MYLK4: variants seen among roughly 807,000 people sequenced by gnomAD.
MYLK4 encodes the protein myosin light chain kinase family member 4, also known as caMLCK like.
MYLK4 carries 46 observed loss-of-function variants against 48.1 expected under a neutral mutation model. The observed-to-expected ratio is 0.96, with a 90% confidence interval of 0.75 to 1.22. The LOEUF is 1.22. Ranked by LOEUF, MYLK4 falls within the 50% of genes most tolerant of loss-of-function variation. The pLI is 0.00. For missense variants in MYLK4, 451 were observed against 486.1 expected, an observed-to-expected ratio of 0.93 and a Z score of 0.68; for synonymous variants, 170 against 180.8, an observed-to-expected ratio of 0.94 and a Z score of 0.48.
the MYLK4 span, chr6:2,765,970 A>C: frequency 3.6e-6 from 5 of 1,408,186 alleles, no homozygotes; most frequent in Non-Finnish European, 4.6e-6. Context: ...CGCCGCCCAC[A>C]CCCAGCGGCG....
At chr6:2,765,898 C>T in the MYLK4 span, 28,749 of 1,454,628 alleles carry the variant, frequency 0.02, 509 homozygotes, top group South Asian at 0.071. Context: ...CCGAGAGCAG[C>T]GAGGGCGAGG....
chr6:2,673,378 G>A lies in MYLK4; in HGVS notation c.1119+1669C>T, dbSNP rs879673093. Among the ~76,000 whole-genome samples the A allele has an allele frequency of 2.6e-5, 4 of 152,156 alleles. No individual in the cohort carries two copies. Among genetic ancestry groups the A allele is most frequent in the Non-Finnish European group, 5.9e-5 (4 of 68,030 alleles). On this transcript the variant is annotated intron_variant, in intron 11 of 12. Transcript: ENST00000274643. This position sits in a 1 kb window ranked among gnomAD's most constrained non-coding sequence, Gnocchi z 4.2. Reference sequence around the variant, plus strand: ...TCAGACACAAATAAAACTTAGTGCCGATGCTGAATTTAGAAGTAAAGTTAA... The same window carrying A: ...TCAGACACAAATAAAACTTAGTGCCAATGCTGAATTTAGAAGTAAAGTTAA...
chr6:2,749,826 C>T (rs1405932037), intron 1 of MYLK4, among the ~76,000 whole-genome samples: 1 of 152,190 alleles, frequency 6.6e-6, no homozygotes, highest in Non-Finnish European at 1.5e-5. Flanking sequence ...AGAGGGATCG[C>T]TCCCGAATGA....
Position 2,706,962 on chromosome 6 carries a change from T to C in MYLK4, c.160-14103A>G, listed in dbSNP as rs1762509998. The stretch of plus-strand genomic sequence containing the variant: ...CCCATATAAAATGGGGCTCCATCTG[T>C]ATTTACTACATGCAGCTGCGTCTTT... On this transcript the variant is annotated intron_variant, in intron 2 of 12. Transcript: ENST00000274643. Among the ~76,000 whole-genome samples the C allele has an allele frequency of 2.6e-5, 4 of 152,364 alleles. No individual in the cohort carries two copies. In the South Asian group the frequency reaches 8.3e-4, roughly 32 times the overall value.
At chr6:2,718,381 T>C (rs921464330) in intron 2 of MYLK4, among the ~76,000 whole-genome samples, 7 of 152,326 alleles carry the variant, frequency 4.6e-5, no homozygotes, top group African/African-American at 1.7e-4. Context: ...TTCTAACAGA[T>C]ACCTGGATAA....
intron 2 of MYLK4, among the ~76,000 whole-genome samples, chr6:2,727,522 A>G (rs1018910140): frequency 3.3e-5 from 5 of 152,230 alleles, no homozygotes; most frequent in African/African-American, 1.2e-4. Flanking sequence ...AATGACAGTC[A>G]TACTTCAAAA....
At chr6:2,748,043 ATCTC>A (rs1282739482) in intron 2 of MYLK4, among the ~76,000 whole-genome samples, 2 of 152,146 alleles carry the variant, frequency 1.3e-5, no homozygotes, top group Admixed American at 1.3e-4. Flanking sequence ...TTTATATACA[ATCTC>A]TCTATTTCAT....
At chr6:2,692,264 T>C (rs778748554) in intron 3 of MYLK4, among the ~76,000 whole-genome samples, 36 of 152,262 alleles carry the variant, frequency 2.4e-4, no homozygotes, top group Non-Finnish European at 3.5e-4. Context: ...CTTGGATTTA[T>C]AGAATTTCTT....
At chr6:2,716,132 C>T (rs1385567968) in intron 2 of MYLK4, among the ~76,000 whole-genome samples, 2 of 152,188 alleles carry the variant, frequency 1.3e-5, no homozygotes, top group Non-Finnish European at 2.9e-5. Context: ...TTGGTTAAGA[C>T]AGATAATTAT....
the MYLK4 span, chr6:2,770,372 A>AGT: frequency 6.2e-7 from 1 of 1,613,962 alleles, no homozygotes; most frequent in Non-Finnish European, 8.5e-7. Flanking sequence ...GTAAGTTGAC[A>AGT]GTGTGCAGCG....
In MYLK4 at chr6:2,672,036, T is replaced by C. The variant is rs1048407801; in HGVS notation, c.1120-688A>G. Among the ~76,000 whole-genome samples, 1 of 152,042 alleles carries C rather than the reference T, an allele frequency of 6.6e-6. No homozygotes were observed. ...TGTAATTAAGGAACTAATGATTTGATAGATTAGGGAAGAGGGTGAGTAGAG... is the reference window on the plus strand; with the variant it reads ...TGTAATTAAGGAACTAATGATTTGACAGATTAGGGAAGAGGGTGAGTAGAG... On this transcript the variant is annotated intron_variant, in intron 11 of 12. Transcript: ENST00000274643. The surrounding 1 kb of genome is among the most constrained non-coding windows in gnomAD (Gnocchi z 4.3).
chr6:2,722,783 C>T (rs192401142), intron 2 of MYLK4, among the ~76,000 whole-genome samples: 600 of 152,072 alleles, frequency 3.9e-3, no homozygotes, highest in Middle Eastern at 6.8e-3. Context: ...CTTTGTAAAA[C>T]ATTATAACTC....
chr6:2,770,137 C>T, the MYLK4 span: 10 of 1,614,116 alleles, frequency 6.2e-6, no homozygotes, highest in East Asian at 2.2e-5. Context: ...TCCTTCCTCA[C>T]GTGGAATGTG....
intron 2 of MYLK4, among the ~76,000 whole-genome samples, chr6:2,699,120 C>G (rs184073384): frequency 1.9e-3 from 294 of 152,124 alleles, no homozygotes; most frequent in African/African-American, 6.7e-3. Context: ...TGGGACCCTC[C>G]AAGTACATAG....
intron 2 of MYLK4, among the ~76,000 whole-genome samples, chr6:2,727,708 G>T (rs981930412): frequency 1.3e-5 from 2 of 151,886 alleles, no homozygotes; most frequent in African/African-American, 2.4e-5. Flanking sequence ...CAGCACTTTG[G>T]GAGGCCGAGG....
At chr6:2,766,693 A>G in the MYLK4 span, among the ~76,000 whole-genome samples, 2 of 152,128 alleles carry the variant, frequency 1.3e-5, no homozygotes, top group African/African-American at 4.8e-5. Flanking sequence ...ATGTCTGTGA[A>G]TCCATAGTTT....
At chr6:2,724,798 G>A (rs186507228) in intron 2 of MYLK4, among the ~76,000 whole-genome samples, 2 of 152,316 alleles carry the variant, frequency 1.3e-5, no homozygotes, top group East Asian at 3.9e-4. Context: ...TCATGTGACA[G>A]GGAGACCTCG....
At chr6:2,759,874 C>A in the MYLK4 span, among the ~76,000 whole-genome samples, 1 of 152,148 alleles carries the variant, frequency 6.6e-6, no homozygotes, top group African/African-American at 2.4e-5. Flanking sequence ...CTTTCACATT[C>A]CACTTTATAA....
At chr6:2,763,048 T>G in the MYLK4 span, among the ~76,000 whole-genome samples, 1 of 152,236 alleles carries the variant, frequency 6.6e-6, no homozygotes, top group African/African-American at 2.4e-5. Context: ...CCTGCTTTTA[T>G]TCTCTCATCT....
Sources: gnomAD v4.1 joint callset for allele counts (sites outside exome capture counted in the v4.1 genomes callset) on GRCh38, gnomAD v4.1.1 for gene constraint, Gnocchi (gnomAD v3.1) non-coding constraint, MANE v1.5 for transcripts, NCBI Gene and HGNC (gene_info 2026-07-23, HGNC 2026-07-21) for gene names.